FHIT: variants seen among roughly 807,000 people sequenced by gnomAD.
FHIT encodes bis(5'-adenosyl)-triphosphatase.
A neutral mutation model predicts 17.9 loss-of-function variants in FHIT; 19 were observed. The ratio of observed to expected loss-of-function variants is 1.06; its 90% CI spans 0.74 to 1.56. The LOEUF (loss-of-function observed/expected upper bound fraction) is 1.56, where lower values mean the gene tolerates loss of function less well. FHIT is among the 40% of genes most tolerant of loss of function. The probability of loss-of-function intolerance (pLI) is 0.00; values close to 1 mark genes in which losing one functional copy is unlikely to be tolerated. For synonymous variants in FHIT, 81 were observed against 69.7 expected (o/e 1.16, Z -0.81); for missense variants, 248 against 189.2 (o/e 1.31, Z -1.82).
intron 5 of FHIT, among the ~76,000 whole-genome samples, chr3:60,426,403 C>G (rs904468946): frequency 6.6e-6 from 1 of 152,084 alleles, no homozygotes; most frequent in African/African-American, 2.4e-5. Context: ...CCCCTTCCCA[C>G]GAATTCCCTC....
intron 5 of FHIT, among the ~76,000 whole-genome samples, chr3:60,407,509 G>C (rs1701909438): frequency 6.6e-6 from 1 of 152,050 alleles, no homozygotes; most frequent in South Asian, 2.1e-4. Flanking sequence ...ATATGCAAAT[G>C]TACATACTAT....
At chr3:60,249,322 G>C (rs890505863) in intron 5 of FHIT, among the ~76,000 whole-genome samples, 3 of 151,992 alleles carry the variant, frequency 2.0e-5, no homozygotes, top group African/African-American at 4.8e-5. Flanking sequence ...GTTCTCATTT[G>C]ACACACCGAG....
At chr3:60,593,580 T>G (rs1453270827) in intron 4 of FHIT, among the ~76,000 whole-genome samples, 1 of 152,120 alleles carries the variant, frequency 6.6e-6, no homozygotes, top group Non-Finnish European at 1.5e-5. Context: ...GCTTAATGAT[T>G]TAGAAGAAAA....
chr3:60,648,742 A>G (rs2039922452), intron 4 of FHIT, among the ~76,000 whole-genome samples: 1 of 152,216 alleles, frequency 6.6e-6, no homozygotes, highest in South Asian at 2.1e-4. Flanking sequence ...CTAAAAAAGG[A>G]GCGAGTCAGA....
intron 7 of FHIT, among the ~76,000 whole-genome samples, chr3:59,952,736 G>C (rs546759887): frequency 1.4e-4 from 22 of 152,118 alleles, no homozygotes; most frequent in Non-Finnish European, 3.2e-4. Context: ...CTTTTTCTTG[G>C]AACCAAGCGC....
chr3:60,339,020 A>C (rs976524900), intron 5 of FHIT, among the ~76,000 whole-genome samples: 1 of 152,180 alleles, frequency 6.6e-6, no homozygotes, highest in African/African-American at 2.4e-5. Context: ...ACCATCTGGC[A>C]TATAGTTTGT....
At chr3:60,709,112 A>T (rs1400250264) in intron 4 of FHIT, among the ~76,000 whole-genome samples, 1 of 152,214 alleles carries the variant, frequency 6.6e-6, no homozygotes. Context: ...GTTTGTGGTT[A>T]TGTTGGTTAT....
intron 5 of FHIT, among the ~76,000 whole-genome samples, chr3:60,433,210 C>G (rs993512604): frequency 1.3e-5 from 2 of 151,968 alleles, no homozygotes; most frequent in African/African-American, 4.8e-5. Context: ...GACATGATGA[C>G]CTTCAGGTTC....
chr3:60,264,909 T>C lies in FHIT; in HGVS notation c.104-250757A>G, dbSNP rs141504830. On this transcript the variant is annotated intron_variant, in intron 5 of 9. Transcript: ENST00000492590. ...TCTAATTGCCCCCCTGAAATTTTAA[T>C]ACCACAGATTTTCTTTATATCCTTA... 6.1e-3 allele frequency among the ~76,000 whole-genome samples: 934 copies of C among 152,118 alleles called. 7 individuals carry two copies. Among genetic ancestry groups the C allele is most frequent in the African/African-American group, 0.021 (861 of 41,546 alleles).
chr3:59,883,396 T>C (rs1703486787), intron 8 of FHIT, among the ~76,000 whole-genome samples: 1 of 152,178 alleles, frequency 6.6e-6, no homozygotes, highest in Admixed American at 6.5e-5. Flanking sequence ...CTCACAATCA[T>C]GGTAGAAGGT....
At position 60,536,849 on chromosome 3, in the gene FHIT, AG is replaced by A; in HGVS notation, c.103+10del. 1.3e-6 allele frequency: 2 copies of A among 1,573,740 alleles called. No individual in the cohort carries two copies. The highest frequency in any genetic ancestry group is 8.6e-7 in the Non-Finnish European group (1 of 1,167,410). On this transcript the variant is annotated intron_variant, in intron 5 of 9. Transcript: ENST00000492590. ...TTATTTTCCCTCTCCAAAAAAAAAA[AG>A]AAAGGATACGTCCTGGTACCACAGG...
At chr3:61,011,544 T>C (rs2031789394) in intron 3 of FHIT, among the ~76,000 whole-genome samples, 1 of 152,172 alleles carries the variant, frequency 6.6e-6, no homozygotes, top group East Asian at 1.9e-4. Context: ...TTCTGCTTTA[T>C]ACAGTCTATA....
At chr3:60,557,598 C>A (rs779430272) in intron 4 of FHIT, among the ~76,000 whole-genome samples, 1 of 151,772 alleles carries the variant, frequency 6.6e-6, no homozygotes, top group Non-Finnish European at 1.5e-5. Flanking sequence ...TAGCTCTCTA[C>A]ATGGCTCTGC....
chr3:60,591,423 T>G (rs1262360543), intron 4 of FHIT, among the ~76,000 whole-genome samples: 1 of 152,084 alleles, frequency 6.6e-6, no homozygotes, highest in East Asian at 1.9e-4. Context: ...GGTGTTTACA[T>G]TATTTGACAG....
chr3:61,079,870 C>T (rs1421126819), intron 2 of FHIT, among the ~76,000 whole-genome samples: 1 of 152,162 alleles, frequency 6.6e-6, no homozygotes, highest in African/African-American at 2.4e-5. Flanking sequence ...TACAAAATCA[C>T]ACTTAAATAT....
At position 60,019,499 on chromosome 3, in the gene FHIT, A is replaced by G. The variant is rs201323643; in HGVS notation, c.104-5347T>C. Among the ~76,000 whole-genome samples the G allele has an allele frequency of 7.4e-5, 11 of 149,158 alleles. No individual in the cohort carries two copies. In the East Asian group the frequency reaches 2.2e-3, roughly 30 times the overall value. On this transcript the variant is annotated intron_variant, in intron 5 of 9. Transcript: ENST00000492590. The stretch of plus-strand genomic sequence containing the variant: ...AATGGCACAATCTCAGCTCAGTGCA[A>G]CCTCTGCTTCCTGGGTTCAAGTGAT...
intron 4 of FHIT, among the ~76,000 whole-genome samples, chr3:60,598,789 G>T (rs535489555): frequency 9.9e-5 from 15 of 152,270 alleles, no homozygotes; most frequent in Non-Finnish European, 2.1e-4. Context: ...AGGGATTACA[G>T]TGTAGACAGT....
At chr3:59,804,329 C>G (rs2106999781) in intron 8 of FHIT, among the ~76,000 whole-genome samples, 1 of 152,300 alleles carries the variant, frequency 6.6e-6, no homozygotes, top group South Asian at 2.1e-4. Flanking sequence ...ATTTCAAGGT[C>G]AATAGCTGTC....
intron 2 of FHIT, among the ~76,000 whole-genome samples, chr3:61,188,675 A>T (rs922743400): frequency 1.6e-4 from 25 of 152,268 alleles, no homozygotes; most frequent in African/African-American, 5.5e-4. Flanking sequence ...TTGATGCAAA[A>T]ATCCTCAATA....
Sources: allele counts gnomAD v4.1 joint callset (sites outside exome capture counted in the v4.1 genomes callset), GRCh38; gene constraint gnomAD v4.1.1; transcripts MANE v1.5; gene names NCBI Gene and HGNC (gene_info 2026-07-23, HGNC 2026-07-21).